Variants in XNDC1N observed in about 807,000 individuals in gnomAD.
XNDC1N encodes XRCC1 N-terminal domain containing 1, N-terminal like.
chr11:71,872,685 G>A, the XNDC1N span, among the ~76,000 whole-genome samples: 2 of 152,140 alleles, frequency 1.3e-5, no homozygotes, highest in East Asian at 1.9e-4. Flanking sequence ...TCGAGATCGC[G>A]CCACTGCACT....
the XNDC1N span, among the ~76,000 whole-genome samples, chr11:71,896,860 G>A: frequency 1.3e-5 from 2 of 152,208 alleles, no homozygotes; most frequent in Non-Finnish European, 2.9e-5. Context: ...GACTGCGGCC[G>A]GCCCATGCTG....
At chr11:71,909,186 A>C in the XNDC1N span, among the ~76,000 whole-genome samples, 640 of 152,268 alleles carry the variant, frequency 4.2e-3, 1 homozygote, top group African/African-American at 0.015. Context: ...TGCAGGGATG[A>C]ATCCATCCCA....
chr11:71,909,161 G>C, the XNDC1N span, among the ~76,000 whole-genome samples: 28 of 152,298 alleles, frequency 1.8e-4, no homozygotes, highest in Admixed American at 3.3e-4. Flanking sequence ...GAAAACTGCA[G>C]AAACAGGCTG....
the XNDC1N span, among the ~76,000 whole-genome samples, chr11:71,888,017 G>A: frequency 1.3e-5 from 2 of 152,290 alleles, no homozygotes; most frequent in South Asian, 2.1e-4. Context: ...CATCTTCGGG[G>A]AGGCGTGGGC....
At chr11:71,904,253 G>C in the XNDC1N span, among the ~76,000 whole-genome samples, 2 of 152,144 alleles carry the variant, frequency 1.3e-5, no homozygotes. Flanking sequence ...CTAGGATACA[G>C]AATATACTGT....
the XNDC1N span, chr11:71,903,161 C>T: frequency 2.9e-6 from 2 of 682,936 alleles, no homozygotes; most frequent in South Asian, 1.5e-5. Context: ...ACCCTCTTTT[C>T]CAGGCAAAAG....
chr11:71,887,195 C>T, the XNDC1N span, among the ~76,000 whole-genome samples: 8 of 152,154 alleles, frequency 5.3e-5, no homozygotes, highest in African/African-American at 1.4e-4. Flanking sequence ...GTAACCGCCC[C>T]GGTCGCCCGG....
the XNDC1N span, among the ~76,000 whole-genome samples, chr11:71,879,665 T>A: frequency 1.3e-5 from 2 of 152,184 alleles, no homozygotes; most frequent in Non-Finnish European, 2.9e-5. Flanking sequence ...TTCTATTCAG[T>A]GGTTATCAAG....
the XNDC1N span, among the ~76,000 whole-genome samples, chr11:71,869,410 C>T: frequency 6.6e-6 from 1 of 152,176 alleles, no homozygotes; most frequent in African/African-American, 2.4e-5. Context: ...GCATAATATT[C>T]CATGGTGTAT....
the XNDC1N span, among the ~76,000 whole-genome samples, chr11:71,874,218 G>A: frequency 1.3e-5 from 2 of 152,152 alleles, no homozygotes; most frequent in African/African-American, 4.8e-5. Flanking sequence ...TACTCGGGAG[G>A]CTGACACACA....
chr11:71,905,721 C>A, the XNDC1N span, among the ~76,000 whole-genome samples: 1 of 151,476 alleles, frequency 6.6e-6, no homozygotes, highest in Non-Finnish European at 1.5e-5. Flanking sequence ...CAGGGTGTAC[C>A]CTCTGTGGGA....
At chr11:71,907,020 A>G in the XNDC1N span, among the ~76,000 whole-genome samples, 1 of 152,170 alleles carries the variant, frequency 6.6e-6, no homozygotes, top group African/African-American at 2.4e-5. Flanking sequence ...TGACAAAAAA[A>G]TCAACCTCCC....
the XNDC1N span, among the ~76,000 whole-genome samples, chr11:71,881,752 T>C: frequency 6.6e-6 from 1 of 152,150 alleles, no homozygotes; most frequent in South Asian, 2.1e-4. Context: ...ATCAATAGAC[T>C]GATATGATCA....
At chr11:71,872,469 A>G in the XNDC1N span, among the ~76,000 whole-genome samples, 22 of 152,184 alleles carry the variant, frequency 1.4e-4, no homozygotes, top group African/African-American at 5.3e-4. Flanking sequence ...AGAAATAGGA[A>G]TTATCACACT....
chr11:71,908,299 A>C, the XNDC1N span, among the ~76,000 whole-genome samples: 1 of 151,934 alleles, frequency 6.6e-6, no homozygotes, highest in South Asian at 2.1e-4. Context: ...GATCAATATC[A>C]GTTATTAATA....
the XNDC1N span, among the ~76,000 whole-genome samples, chr11:71,921,194 A>T: frequency 7.2e-5 from 11 of 152,048 alleles, no homozygotes; most frequent in African/African-American, 2.7e-4. Context: ...CTTGCTCATT[A>T]CCTAGGGTAT....
the XNDC1N span, chr11:71,904,029 G>A: frequency 7.6e-6 from 4 of 522,888 alleles, no homozygotes; most frequent in Middle Eastern, 3.2e-4. Context: ...TGATGTACAC[G>A]GTGGTCACCC....
the XNDC1N span, among the ~76,000 whole-genome samples, chr11:71,907,446 G>A: frequency 1.6e-5 from 2 of 127,328 alleles, no homozygotes; most frequent in African/African-American, 2.7e-5. Context: ...CCCACGATGC[G>A]GGGAGTAAGA....
chr11:71,919,600 GGTTGGTTTTTTTTTTT>G, the XNDC1N span, among the ~76,000 whole-genome samples: 1 of 115,780 alleles, frequency 8.6e-6, no homozygotes, highest in South Asian at 3.1e-4. Context: ...ATTTTGGCCA[GGTTGGTTTTTTTTTTT>G]GTTTGTTTTT....
Sources: allele counts gnomAD v4.1 joint callset (sites outside exome capture counted in the v4.1 genomes callset), GRCh38; gene constraint gnomAD v4.1.1; transcripts MANE v1.5; gene names NCBI Gene and HGNC (gene_info 2026-07-23, HGNC 2026-07-21).